The following PCSK2 variants were observed in gnomAD, a reference collection of about 807,000 sequenced individuals.
The protein encoded by PCSK2 is proprotein convertase subtilisin/kexin type 2.
Under a neutral mutation model 69.7 loss-of-function variants are expected in PCSK2, and 14 were observed. The ratio of observed to expected loss-of-function variants is 0.20; its 90% CI spans 0.13 to 0.31. PCSK2 has a LOEUF of 0.31. Ranked by LOEUF, PCSK2 falls within the 10% of genes least tolerant of loss-of-function variation. PCSK2 has a pLI of 1.00. For missense variants in PCSK2, 544 were observed against 842.5 expected (o/e 0.65, Z 4.39); for synonymous variants, 307 against 320.7 (o/e 0.96, Z 0.46).
At chr20:17,294,430 G>A (rs6044728) in intron 2 of PCSK2, among the ~76,000 whole-genome samples, 1 of 152,034 alleles carries the variant, frequency 6.6e-6, no homozygotes, top group Non-Finnish European at 1.5e-5. Flanking sequence ...TAAGGCCTGC[G>A]TATTTTATGC....
intron 2 of PCSK2, among the ~76,000 whole-genome samples, chr20:17,296,261 C>G (rs531820922): frequency 6.6e-6 from 1 of 152,154 alleles, no homozygotes; most frequent in Non-Finnish European, 1.5e-5. Context: ...CACAGCTCAG[C>G]GTCTCAAAAA....
chr20:17,253,203 A>G (rs1200607886), intron 1 of PCSK2, among the ~76,000 whole-genome samples: 1 of 152,232 alleles, frequency 6.6e-6, no homozygotes, highest in Non-Finnish European at 1.5e-5. Flanking sequence ...TAGCAAATTG[A>G]TTAAGATATA....
At chr20:17,247,835 T>G (rs996323460) in intron 1 of PCSK2, among the ~76,000 whole-genome samples, 4 of 152,166 alleles carry the variant, frequency 2.6e-5, no homozygotes, top group Non-Finnish European at 5.9e-5. Flanking sequence ...CTGTTCACAA[T>G]TGGTTGCCAG....
intron 11 of PCSK2, among the ~76,000 whole-genome samples, chr20:17,467,466 A>T (rs543007125): frequency 1.3e-5 from 2 of 152,378 alleles, no homozygotes; most frequent in Non-Finnish European, 2.9e-5. Context: ...AGCAGCAGTG[A>T]TGACTAATTG....
At chr20:17,385,041 TTTG>T (rs1194505612) in intron 5 of PCSK2, among the ~76,000 whole-genome samples, 1 of 152,252 alleles carries the variant, frequency 6.6e-6, no homozygotes, top group Non-Finnish European at 1.5e-5. Context: ...GCCACCTGTT[TTTG>T]TAAATAAAGT....
chr20:17,378,227 T>G (rs6080666), intron 5 of PCSK2, among the ~76,000 whole-genome samples: 46,204 of 152,122 alleles, frequency 0.3, 8,539 homozygotes, highest in South Asian at 0.58. Context: ...CTTAAATGCA[T>G]TTAAAGAATG....
At chr20:17,256,686 C>G (rs958534930) in intron 1 of PCSK2, among the ~76,000 whole-genome samples, 1 of 151,130 alleles carries the variant, frequency 6.6e-6, no homozygotes, top group Non-Finnish European at 1.5e-5. Flanking sequence ...AGGTTTCTTA[C>G]ATAGGTATAT....
At chr20:17,227,584 A>G (rs903487617) in intron 1 of PCSK2, 102 bp downstream of exon 1, 9 of 824,744 alleles carry the variant, frequency 1.1e-5, no homozygotes, top group African/African-American at 1.7e-5. Context: ...TCTCTTTCTC[A>G]TGCGATGCAG....
intron 2 of PCSK2, among the ~76,000 whole-genome samples, chr20:17,341,546 C>T (rs1162525398): frequency 6.6e-6 from 1 of 152,188 alleles, no homozygotes; most frequent in Non-Finnish European, 1.5e-5. Flanking sequence ...TTCAGGAACC[C>T]TGCAGAGATG....
At chr20:17,312,651 G>A (rs1989552778) in intron 2 of PCSK2, among the ~76,000 whole-genome samples, 1 of 151,974 alleles carries the variant, frequency 6.6e-6, no homozygotes, top group African/African-American at 2.4e-5. Context: ...TTCCCAATTA[G>A]GGGCCAGGTC....
At chr20:17,374,935 G>A (rs570934348) in intron 5 of PCSK2, among the ~76,000 whole-genome samples, 1 of 152,270 alleles carries the variant, frequency 6.6e-6, no homozygotes, top group African/African-American at 2.4e-5. Flanking sequence ...CTGACAGTTG[G>A]CAGTAGTGGA....
intron 2 of PCSK2, among the ~76,000 whole-genome samples, chr20:17,266,785 A>G (rs1004271036): frequency 6.6e-6 from 1 of 152,098 alleles, no homozygotes; most frequent in African/African-American, 2.4e-5. Flanking sequence ...AAGGAACCGG[A>G]CCTTTGTGCC....
chr20:17,313,198 T>A (rs1989572266), intron 2 of PCSK2, among the ~76,000 whole-genome samples: 1 of 152,162 alleles, frequency 6.6e-6, no homozygotes, highest in African/African-American at 2.4e-5. Flanking sequence ...ACACTCTTAT[T>A]TTCATTCTTA....
chr20:17,396,804 G>A (rs541100786), intron 5 of PCSK2, among the ~76,000 whole-genome samples: 1 of 152,184 alleles, frequency 6.6e-6, no homozygotes, highest in African/African-American at 2.4e-5. Context: ...ACTTTTTGTA[G>A]ACATGGAGTC....
intron 8 of PCSK2, among the ~76,000 whole-genome samples, chr20:17,448,715 A>C (rs4504064): frequency 0.66 from 100,322 of 151,364 alleles, 33,575 homozygotes; most frequent in African/African-American, 0.75. Context: ...CATCCTGGAG[A>C]AAAAGTCCAC....
chr20:17,289,000 G>A (rs949726474), intron 2 of PCSK2, among the ~76,000 whole-genome samples: 1 of 152,204 alleles, frequency 6.6e-6, no homozygotes, highest in Non-Finnish European at 1.5e-5. Context: ...ATAGATTATA[G>A]AAGGAAATAA....
chr20:17,418,815 T>C (rs2032058407), intron 6 of PCSK2, among the ~76,000 whole-genome samples: 1 of 152,158 alleles, frequency 6.6e-6, no homozygotes, highest in Non-Finnish European at 1.5e-5. Flanking sequence ...GTTGGGGCTC[T>C]TGAGAAAGGC....
At chr20:17,304,663 AT>A (rs1989270379) in intron 2 of PCSK2, among the ~76,000 whole-genome samples, 1 of 152,186 alleles carries the variant, frequency 6.6e-6, no homozygotes, top group Non-Finnish European at 1.5e-5. Flanking sequence ...GCCTGATGGG[AT>A]AATTGATTTT....
At chr20:17,270,778 G>A (rs1056494639) in intron 2 of PCSK2, among the ~76,000 whole-genome samples, 1 of 152,140 alleles carries the variant, frequency 6.6e-6, no homozygotes, top group Non-Finnish European at 1.5e-5. Context: ...TGTGTGGAAA[G>A]AGACCCAAAT....
Sources: allele counts gnomAD v4.1 joint callset (sites outside exome capture counted in the v4.1 genomes callset), GRCh38; gene constraint gnomAD v4.1.1; transcripts MANE v1.5; gene names NCBI Gene and HGNC (gene_info 2026-07-23, HGNC 2026-07-21).